OR3A2: variants seen among roughly 807,000 people sequenced by gnomAD.
The protein encoded by OR3A2 is olfactory receptor family 3 subfamily A member 2, also known as olfactory receptor 3A2.
For synonymous variants in OR3A2, 126 were observed against 159.3 expected (o/e 0.79, Z 1.57); for missense variants, 318 against 392.8 (o/e 0.81, Z 1.61).
intron 3 of OR3A2, among the ~76,000 whole-genome samples, chr17:3,334,893 G>T (rs1202098350): frequency 6.6e-6 from 1 of 152,146 alleles, no homozygotes; most frequent in Non-Finnish European, 1.5e-5. Context: ...ATTTTAATAT[G>T]AGATGAATAT....
At chr17:3,358,491 G>C (rs2049481464) in intron 2 of OR3A2, among the ~76,000 whole-genome samples, 1 of 151,694 alleles carries the variant, frequency 6.6e-6, no homozygotes, top group African/African-American at 2.4e-5. Context: ...GTTCTCATTA[G>C]TTTCAAAGAC....
At chr17:3,343,902 A>C (rs1467075637) in intron 2 of OR3A2, among the ~76,000 whole-genome samples, 6 of 152,186 alleles carry the variant, frequency 3.9e-5, no homozygotes, top group Non-Finnish European at 8.8e-5. Context: ...ATTCATGCCA[A>C]CCAACACTTG....
chr17:3,350,886 A>G (rs1365825497), intron 2 of OR3A2, among the ~76,000 whole-genome samples: 3 of 148,982 alleles, frequency 2.0e-5, no homozygotes, highest in Non-Finnish European at 3.0e-5. Flanking sequence ...AATATATGCA[A>G]ATCAATAAAT....
At chr17:3,306,150 G>A (rs1394664621) in intron 3 of OR3A2, among the ~76,000 whole-genome samples, 1 of 107,518 alleles carries the variant, frequency 9.3e-6, no homozygotes, top group Non-Finnish European at 1.8e-5. Context: ...TTTGGTTGTT[G>A]TTTGTTTGCC....
intron 2 of OR3A2, among the ~76,000 whole-genome samples, chr17:3,363,306 T>C (rs1026463764): frequency 6.6e-6 from 1 of 151,882 alleles, no homozygotes; most frequent in Non-Finnish European, 1.5e-5. Flanking sequence ...AATGCTTTGC[T>C]GCTTTGAAAT....
At chr17:3,319,083 A>T (rs9892405) in intron 3 of OR3A2, among the ~76,000 whole-genome samples, 20,948 of 152,178 alleles carry the variant, frequency 0.14, 1,776 homozygotes, top group African/African-American at 0.24. Flanking sequence ...TACACTGGTG[A>T]ATAAATGATA....
chr17:3,365,633 G>A (rs1872041), intron 2 of OR3A2, among the ~76,000 whole-genome samples: 2,579 of 152,218 alleles, frequency 0.017, 31 homozygotes, highest in Middle Eastern at 0.075. Context: ...AGGCTCCACC[G>A]TCTTGAACTT....
chr17:3,334,541 T>A (rs964055945), intron 3 of OR3A2, among the ~76,000 whole-genome samples: 1 of 152,184 alleles, frequency 6.6e-6, no homozygotes, highest in African/African-American at 2.4e-5. Flanking sequence ...TCATGCCTCA[T>A]TCTGGAAATT....
chr17:3,336,925 G>A (rs2049278355), intron 2 of OR3A2, among the ~76,000 whole-genome samples: 1 of 152,246 alleles, frequency 6.6e-6, no homozygotes, highest in African/African-American at 2.4e-5. Flanking sequence ...AGAAAGACCA[G>A]TTCTTCCACC....
At chr17:3,290,103 G>A (rs1238242773) in intron 3 of OR3A2, among the ~76,000 whole-genome samples, 3 of 152,084 alleles carry the variant, frequency 2.0e-5, no homozygotes, top group Non-Finnish European at 4.4e-5. Context: ...AGTCCTTGGT[G>A]TACTTTTTTT....
intron 3 of OR3A2, among the ~76,000 whole-genome samples, chr17:3,296,071 G>A (rs1328454030): frequency 6.6e-6 from 1 of 152,030 alleles, no homozygotes; most frequent in Admixed American, 6.5e-5. Context: ...CTTCCTTAAA[G>A]TGCCCATGAA....
chr17:3,351,983 T>C (rs2049423738), intron 2 of OR3A2, among the ~76,000 whole-genome samples: 3 of 152,136 alleles, frequency 2.0e-5, no homozygotes, highest in South Asian at 2.1e-4. Flanking sequence ...TAGCCATATG[T>C]AGAAAGCTGA....
At chr17:3,379,165 C>T (rs2049711762) in intron 2 of OR3A2, among the ~76,000 whole-genome samples, 1 of 152,090 alleles carries the variant, frequency 6.6e-6, no homozygotes, top group African/African-American at 2.4e-5. Flanking sequence ...TGGGACGTGA[C>T]TATCAGTTCC....
chr17:3,316,866 C>G (rs1310755360), intron 3 of OR3A2, among the ~76,000 whole-genome samples: 1 of 152,218 alleles, frequency 6.6e-6, no homozygotes, highest in Non-Finnish European at 1.5e-5. Flanking sequence ...GAACCTTCAA[C>G]AGAATATATG....
At chr17:3,340,874 CT>C (rs993693244) in intron 2 of OR3A2, among the ~76,000 whole-genome samples, 38 of 152,296 alleles carry the variant, frequency 2.5e-4, no homozygotes, top group Middle Eastern at 6.8e-3. Flanking sequence ...GTGTTAAAGT[CT>C]CCCATTATTA....
At chr17:3,372,275 G>A (rs1285297530) in intron 2 of OR3A2, among the ~76,000 whole-genome samples, 8 of 148,814 alleles carry the variant, frequency 5.4e-5, no homozygotes, top group African/African-American at 7.5e-5. Context: ...TGGCGGCCGG[G>A]AAGAGGCACT....
intron 3 of OR3A2, among the ~76,000 whole-genome samples, chr17:3,332,544 T>C (rs1197035752): frequency 6.6e-6 from 1 of 152,204 alleles, no homozygotes; most frequent in South Asian, 2.1e-4. Flanking sequence ...AGGCAATGCC[T>C]CGCCCTGCTT....
intron 2 of OR3A2, among the ~76,000 whole-genome samples, chr17:3,369,609 G>C (rs745804195): frequency 6.6e-6 from 1 of 151,964 alleles, no homozygotes; most frequent in Non-Finnish European, 1.5e-5. Flanking sequence ...TTATATTTTC[G>C]ATATGCTGTT....
At chr17:3,376,222 G>A (rs556661766) in intron 2 of OR3A2, among the ~76,000 whole-genome samples, 1 of 152,280 alleles carries the variant, frequency 6.6e-6, no homozygotes, top group African/African-American at 2.4e-5. Flanking sequence ...TTAGATTGTT[G>A]GCCCCCAGCC....
Sources: allele counts gnomAD v4.1 joint callset (sites outside exome capture counted in the v4.1 genomes callset), GRCh38; gene constraint gnomAD v4.1.1; transcripts MANE v1.5; gene names NCBI Gene and HGNC (gene_info 2026-07-23, HGNC 2026-07-21).